KLF12: variants seen among roughly 807,000 people sequenced by gnomAD.
KLF12 encodes Krueppel-like factor 12.
KLF12 carries 9 observed loss-of-function variants against 37.8 expected under a neutral mutation model. The observed-to-expected ratio is 0.24, with a 90% CI of 0.14 to 0.42. The LOEUF (loss-of-function observed/expected upper bound fraction) is 0.42, where lower values mean the gene tolerates loss of function less well. Ranked by LOEUF, KLF12 falls within the 10% of genes least tolerant of loss-of-function variation. The pLI is 1.00. For missense variants in KLF12, 411 were observed against 516.0 expected, an observed-to-expected ratio of 0.80 and a Z score of 1.97; for synonymous variants, 208 against 202.1, an observed-to-expected ratio of 1.03 and a Z score of -0.25.
intron 1 of KLF12, among the ~76,000 whole-genome samples, chr13:74,028,246 A>T (rs1162868931): frequency 6.6e-6 from 1 of 152,226 alleles, no homozygotes; most frequent in African/African-American, 2.4e-5. Flanking sequence ...TGGAAACACG[A>T]TTTATAATCT....
At position 73,739,682 on chromosome 13, in the gene KLF12, T is replaced by C. The variant is rs1209968251; in HGVS notation, c.870-24157A>G. ...ACTCTATGCAGCACTAGAGTCTCCT[T>C]TTTTTTTCCTTCTAATTCTAGGGTA... On this transcript the variant is annotated intron_variant, in intron 6 of 7. Transcript: ENST00000377669. Among the ~76,000 whole-genome samples the C allele has an allele frequency of 2.4e-5, 3 of 122,994 alleles. No individual in the cohort carries two copies. In the East Asian group the frequency reaches 6.7e-4, roughly 27 times the overall value. 80.7% of individuals were successfully genotyped at this position (122,994 alleles called of 152,430 possible).
At chr13:73,803,733 A>T (rs1459940389) in intron 5 of KLF12, among the ~76,000 whole-genome samples, 1 of 151,448 alleles carries the variant, frequency 6.6e-6, no homozygotes, top group African/African-American at 2.4e-5. Flanking sequence ...AGGCTAGGAC[A>T]TGTTATCTGT....
At chr13:74,193,390 C>T in the KLF12 span, among the ~76,000 whole-genome samples, 1 of 152,136 alleles carries the variant, frequency 6.6e-6, no homozygotes, top group Non-Finnish European at 1.5e-5. Flanking sequence ...CTATTATTAC[C>T]CTTTCTTTAC....
At chr13:73,738,130 C>CATATATATATATATATAT (rs1566331437) in intron 6 of KLF12, among the ~76,000 whole-genome samples, 10 of 80,054 alleles carry the variant, frequency 1.2e-4, no homozygotes, top group African/African-American at 5.3e-4. Flanking sequence ...TATATACACA[C>CATATATATATATATATAT]ACACACATAT....
At chr13:74,224,081 C>T in the KLF12 span, among the ~76,000 whole-genome samples, 1 of 152,060 alleles carries the variant, frequency 6.6e-6, no homozygotes, top group Non-Finnish European at 1.5e-5. Flanking sequence ...TGACTCTGCC[C>T]TTTTGTTCAA....
At chr13:74,088,693 C>T (rs111387393) in intron 1 of KLF12, among the ~76,000 whole-genome samples, 290 of 152,290 alleles carry the variant, frequency 1.9e-3, no homozygotes, top group African/African-American at 4.6e-3. Context: ...CTGCCCTCTG[C>T]CATTATACAG....
intron 6 of KLF12, among the ~76,000 whole-genome samples, chr13:73,746,257 C>T (rs1428484952): frequency 1.3e-5 from 2 of 152,058 alleles, no homozygotes; most frequent in Non-Finnish European, 2.9e-5. Context: ...TGAAATGAAA[C>T]AAATATGAAT....
chr13:73,919,572 T>A (rs1254001781), intron 3 of KLF12, among the ~76,000 whole-genome samples: 1 of 152,184 alleles, frequency 6.6e-6, no homozygotes, highest in African/African-American at 2.4e-5. Context: ...AAATTAAAAT[T>A]GGCTACATCA....
At chr13:74,168,838 T>G in the KLF12 span, among the ~76,000 whole-genome samples, 2 of 152,220 alleles carry the variant, frequency 1.3e-5, no homozygotes, top group African/African-American at 4.8e-5. Context: ...GATAATCGGA[T>G]GCCTTTGGGA....
chr13:73,697,294 T>C (rs1874219408), intron 7 of KLF12, among the ~76,000 whole-genome samples: 1 of 152,190 alleles, frequency 6.6e-6, no homozygotes, highest in African/African-American at 2.4e-5. Context: ...AGAGAGTGAA[T>C]AGTTCAGGCC....
intron 3 of KLF12, among the ~76,000 whole-genome samples, chr13:73,920,131 C>T (rs1889045570): frequency 6.6e-6 from 1 of 152,154 alleles, no homozygotes; most frequent in Non-Finnish European, 1.5e-5. Context: ...AGTGCCAATA[C>T]TATGAGATGT....
intron 1 of KLF12, among the ~76,000 whole-genome samples, chr13:74,042,601 G>A (rs1339734870): frequency 3.3e-5 from 5 of 152,124 alleles, no homozygotes; most frequent in Admixed American, 3.3e-4. Context: ...AGAATCCTAG[G>A]TACAGTCTGA....
intron 1 of KLF12, among the ~76,000 whole-genome samples, chr13:74,101,880 C>T (rs994768129): frequency 6.6e-6 from 1 of 152,164 alleles, no homozygotes; most frequent in Non-Finnish European, 1.5e-5. Context: ...CATTTGGCAA[C>T]GATCACTGTG....
intron 3 of KLF12, among the ~76,000 whole-genome samples, chr13:73,914,764 G>T (rs539800129): frequency 6.6e-6 from 1 of 152,068 alleles, no homozygotes; most frequent in Non-Finnish European, 1.5e-5. Context: ...TGGTCTGGGT[G>T]GGGGGTGATG....
chr13:74,107,793 C>T lies in KLF12; in HGVS notation c.-32+25946G>A, dbSNP rs964042845. ...ACCTCAACTGGGTCAGAGCAGGAAT[C>T]GATGAAGAGCAAAGAGAAGAAACAC... On this transcript the variant is annotated intron_variant, in intron 1 of 7. Coordinates refer to ENST00000377669, the MANE Select transcript of KLF12 (RefSeq NM_007249.5). Among the ~76,000 whole-genome samples the T allele has an allele frequency of 3.9e-5, 6 of 152,210 alleles. No homozygotes were observed. The East Asian group carries it at 5.8e-4, about 15-fold the overall frequency.
At chr13:73,969,069 C>A (rs1891255100) in intron 2 of KLF12, among the ~76,000 whole-genome samples, 1 of 151,172 alleles carries the variant, frequency 6.6e-6, no homozygotes, top group Non-Finnish European at 1.5e-5. Flanking sequence ...TTCGAAAATT[C>A]TTCTACTATA....
intron 2 of KLF12, among the ~76,000 whole-genome samples, chr13:73,958,931 T>C (rs954649453): frequency 2.0e-5 from 3 of 151,790 alleles, no homozygotes; most frequent in African/African-American, 7.3e-5. Flanking sequence ...GGTGATCTCA[T>C]CTGCTAGGCA....
the KLF12 span, among the ~76,000 whole-genome samples, chr13:74,254,691 G>A: frequency 2.0e-5 from 3 of 152,122 alleles, no homozygotes; most frequent in Non-Finnish European, 2.9e-5. Flanking sequence ...TGTGAGGCTC[G>A]GAGCTAGACA....
At chr13:74,078,063 AGTTT>A (rs760346233) in intron 1 of KLF12, among the ~76,000 whole-genome samples, 5 of 152,124 alleles carry the variant, frequency 3.3e-5, no homozygotes, top group Non-Finnish European at 7.3e-5. Context: ...CTCCATGTGA[AGTTT>A]GTTTGTTTGT....
Sources: allele counts gnomAD v4.1 joint callset (sites outside exome capture counted in the v4.1 genomes callset), GRCh38; gene constraint gnomAD v4.1.1; transcripts MANE v1.5; gene names NCBI Gene and HGNC (gene_info 2026-07-23, HGNC 2026-07-21).